MRPL13: variants seen among roughly 807,000 people sequenced by gnomAD.
MRPL13 encodes the protein large ribosomal subunit protein uL13m.
Under a neutral mutation model 29.0 loss-of-function variants are expected in MRPL13, and 33 were observed. That is an observed-to-expected ratio of 1.14 (90% CI 0.86 to 1.52). The LOEUF (loss-of-function observed/expected upper bound fraction) is 1.52. MRPL13 is among the 40% of genes most tolerant of loss of function. The pLI is 0.00. For synonymous variants in MRPL13, 77 were observed against 68.4 expected (o/e 1.13, Z -0.62); for missense variants, 227 against 216.7 (o/e 1.05, Z -0.30).
chr8:120,413,924 T>C lies in MRPL13; in HGVS notation c.515+67A>G, dbSNP rs926204466. On this transcript the variant is annotated intron_variant, in intron 6 of 6. Coordinates refer to ENST00000306185, the MANE Select transcript of MRPL13 (RefSeq NM_014078.6). ...TCTTCCCGCCCTCAAGGATCTTATT[T>C]AATCATATGGTTGAGGAAACAGAGG... The C allele has an allele frequency of 4.0e-5, 57 of 1,413,526 alleles. 1 individual carries two copies. The South Asian group carries it at 1.1e-3, about 27-fold the overall frequency. The allele number at this position is 1,413,526 out of a possible 1,614,324, so 87.6% of individuals were successfully genotyped here.
At chr8:120,406,503 C>T (rs1812669354) in intron 6 of MRPL13, among the ~76,000 whole-genome samples, 1 of 150,876 alleles carries the variant, frequency 6.6e-6, no homozygotes, top group Admixed American at 6.6e-5. Flanking sequence ...TGAGCAGGAC[C>T]CAGTCCTCAT....
intron 3 of MRPL13, among the ~76,000 whole-genome samples, chr8:120,427,142 A>C (rs1299832952): frequency 6.6e-6 from 1 of 152,166 alleles, no homozygotes; most frequent in East Asian, 1.9e-4. Flanking sequence ...AAAGTAAAAA[A>C]CAAAAGTGGA....
chr8:120,427,163 TAATA>T (rs1461118291), intron 3 of MRPL13, among the ~76,000 whole-genome samples: 2 of 152,164 alleles, frequency 1.3e-5, no homozygotes, highest in Non-Finnish European at 2.9e-5. Flanking sequence ...TTAATAATCT[TAATA>T]GATAAAACGT....
intron 6 of MRPL13, among the ~76,000 whole-genome samples, chr8:120,401,100 G>C (rs186742877): frequency 7.4e-4 from 112 of 152,210 alleles, no homozygotes; most frequent in African/African-American, 2.5e-3. Flanking sequence ...CATGGCTACT[G>C]AAACTATTCT....
Position 120,445,148 on chromosome 8 carries a change from C to G in MRPL13, c.-54G>C, listed in dbSNP as rs1813192195. On this transcript the variant is annotated 5_prime_UTR_variant, in exon 1 of 7. Transcript: ENST00000306185. The stretch of plus-strand genomic sequence containing the variant: ...TTCTCCTAGTAGCCACGCCGGGTCA[C>G]TCAGCCTTACTGGCCCGGCGGGAAA... 6.2e-7 allele frequency: 1 copy of G among 1,609,788 alleles called. No individual in the cohort carries two copies. Among genetic ancestry groups the G allele is most frequent in the Non-Finnish European group, 8.5e-7 (1 of 1,176,160 alleles).
At chr8:120,403,528 G>A (rs1214904306) in intron 6 of MRPL13, among the ~76,000 whole-genome samples, 2 of 152,048 alleles carry the variant, frequency 1.3e-5, no homozygotes, top group South Asian at 2.1e-4. Context: ...GAAGAATAGC[G>A]AATGGATGCT....
chr8:120,427,149 T>G (rs1384906547), intron 3 of MRPL13, among the ~76,000 whole-genome samples: 1 of 152,128 alleles, frequency 6.6e-6, no homozygotes, highest in Non-Finnish European at 1.5e-5. Flanking sequence ...AAAACAAAAG[T>G]GGATTAATAA....
In MRPL13 at chr8:120,396,076, A is replaced by G; in HGVS notation, c.*28T>C. 6.4e-7 allele frequency: 1 copy of G among 1,570,404 alleles called. No homozygotes were observed. Among genetic ancestry groups the G allele is most frequent in the South Asian group, 1.2e-5 (1 of 86,370 alleles). On this transcript the variant is annotated 3_prime_UTR_variant, in exon 7 of 7. Coordinates refer to ENST00000306185, the MANE Select transcript of MRPL13 (RefSeq NM_014078.6). ...ATCAGAAGAAAGTTTCAATCACTTC[A>G]CTGTTATTTTCTGCAATTCTTATTC...
chr8:120,431,996 C>T, intron 3 of MRPL13, 34 bp downstream of exon 3: 11 of 1,397,966 alleles, frequency 7.9e-6, no homozygotes, highest in Non-Finnish European at 1.1e-5. Context: ...TATATTTTAA[C>T]TACCTAATTT....
At chr8:120,441,875 G>C (rs763348732) in intron 2 of MRPL13, among the ~76,000 whole-genome samples, 1 of 152,152 alleles carries the variant, frequency 6.6e-6, no homozygotes, top group Non-Finnish European at 1.5e-5. Context: ...GGCATCTGCA[G>C]CTTATTTTCA....
At chr8:120,408,765 A>G (rs901537833) in intron 6 of MRPL13, among the ~76,000 whole-genome samples, 4 of 152,244 alleles carry the variant, frequency 2.6e-5, no homozygotes, top group African/African-American at 7.2e-5. Flanking sequence ...ATAGGTAAAA[A>G]TAATCTTTTT....
chr8:120,417,947 A>C lies in MRPL13; in HGVS notation c.393+1905T>G, dbSNP rs572120219. On this transcript the variant is annotated intron_variant, in intron 5 of 6. Coordinates refer to ENST00000306185, the MANE Select transcript of MRPL13 (RefSeq NM_014078.6). ...GTCATTTTATTTTTCTAATATATAA[A>C]ATTTTAGCATGATTAACATAAAAAA... is the stretch of plus-strand genomic sequence containing the variant. 2.4e-4 allele frequency among the ~76,000 whole-genome samples: 36 copies of C among 152,212 alleles called. No homozygotes were observed. In the South Asian group the frequency reaches 6.8e-3, roughly 29 times the overall value.
chr8:120,420,592 A>G (rs1272065885), intron 4 of MRPL13, among the ~76,000 whole-genome samples: 1 of 151,244 alleles, frequency 6.6e-6, no homozygotes, highest in Non-Finnish European at 1.5e-5. Flanking sequence ...GTTGACATGT[A>G]GCTAGTGGCT....
intron 2 of MRPL13, 105 bp downstream of exon 2, chr8:120,443,080 G>A (rs1412278514): frequency 5.2e-6 from 6 of 1,143,218 alleles, no homozygotes; most frequent in Non-Finnish European, 7.0e-6. Flanking sequence ...GGATCCTCAG[G>A]AAAAATAAAA....
At chr8:120,418,980 T>C (rs1379029143) in intron 5 of MRPL13, among the ~76,000 whole-genome samples, 1 of 152,050 alleles carries the variant, frequency 6.6e-6, no homozygotes, top group Non-Finnish European at 1.5e-5. Context: ...TGAAAAATCG[T>C]TATAACTTGA....
intron 6 of MRPL13, among the ~76,000 whole-genome samples, chr8:120,413,362 A>G (rs1453479290): frequency 6.6e-6 from 1 of 152,210 alleles, no homozygotes; most frequent in Non-Finnish European, 1.5e-5. Context: ...AAATCAGTAA[A>G]TGGAAGTGTA....
intron 6 of MRPL13, among the ~76,000 whole-genome samples, chr8:120,397,181 A>T (rs560980475): frequency 7.2e-5 from 11 of 151,872 alleles, no homozygotes; most frequent in African/African-American, 1.7e-4. Flanking sequence ...TACCCTCGTG[A>T]GCCCACACCA....
chr8:120,429,590 A>G (rs1182528107), intron 3 of MRPL13, among the ~76,000 whole-genome samples: 2 of 152,154 alleles, frequency 1.3e-5, no homozygotes, highest in East Asian at 3.8e-4. Context: ...AACAATGATC[A>G]AGTATCGTAA....
intron 2 of MRPL13, among the ~76,000 whole-genome samples, chr8:120,435,666 A>G (rs1034977639): frequency 6.6e-6 from 1 of 152,082 alleles, no homozygotes; most frequent in African/African-American, 2.4e-5. Context: ...TAAAATGAAC[A>G]TATCTGCATG....
Sources: allele counts gnomAD v4.1 joint callset (sites outside exome capture counted in the v4.1 genomes callset), GRCh38; gene constraint gnomAD v4.1.1; transcripts MANE v1.5; gene names NCBI Gene and HGNC (gene_info 2026-07-23, HGNC 2026-07-21).